The following CENPP variants were observed in gnomAD, a reference collection of about 807,000 sequenced individuals.
CENPP encodes the protein centromere protein P.
CENPP carries 24 observed loss-of-function variants against 35.6 expected under a neutral mutation model. The ratio of observed to expected loss-of-function variants is 0.67; its 90% CI spans 0.49 to 0.95. CENPP has a LOEUF of 0.95. Among genes scored for constraint, CENPP ranks in the 40% least tolerant of loss-of-function variants. The pLI is 0.00. For missense variants in CENPP, 332 were observed against 345.3 expected (o/e 0.96, Z 0.31); for synonymous variants, 120 against 125.5 (o/e 0.96, Z 0.29).
chr9:92,452,516 G>A (rs1241783666), intron 5 of CENPP, among the ~76,000 whole-genome samples: 8 of 152,274 alleles, frequency 5.3e-5, no homozygotes, highest in Admixed American at 3.3e-4. Flanking sequence ...TTTTATTGAG[G>A]ATTTTTGCAT....
chr9:92,438,454 G>A (rs1038603904), intron 5 of CENPP, among the ~76,000 whole-genome samples: 9 of 152,142 alleles, frequency 5.9e-5, no homozygotes, highest in Non-Finnish European at 1.0e-4. Flanking sequence ...CCAGTGTCAT[G>A]CCCTCCTTAT....
chr9:92,528,218 G>C (rs1461462632), intron 5 of CENPP, among the ~76,000 whole-genome samples: 1 of 152,182 alleles, frequency 6.6e-6, no homozygotes, highest in Admixed American at 6.5e-5. Flanking sequence ...ACAAAGAGCA[G>C]TCCAGGCCAG....
At chr9:92,548,198 T>C (rs1230368737) in intron 5 of CENPP, among the ~76,000 whole-genome samples, 2 of 148,584 alleles carry the variant, frequency 1.3e-5, no homozygotes, top group African/African-American at 5.2e-5. Flanking sequence ...TAATCCACCA[T>C]GCTGATGGTT....
intron 5 of CENPP, among the ~76,000 whole-genome samples, chr9:92,475,977 G>A (rs1052616910): frequency 6.6e-6 from 1 of 152,102 alleles, no homozygotes; most frequent in Non-Finnish European, 1.5e-5. Flanking sequence ...ATTATTACCT[G>A]TGAAATGTGT....
chr9:92,530,368 T>C lies in CENPP; in HGVS notation c.565-80946T>C, dbSNP rs549537544. Among the ~76,000 whole-genome samples the C allele has an allele frequency of 8.5e-5, 13 of 152,316 alleles. No individual in the cohort carries two copies. In the South Asian group the frequency reaches 2.7e-3, roughly 32 times the overall value. On this transcript the variant is annotated intron_variant, in intron 5 of 7. Coordinates refer to ENST00000375587, the MANE Select transcript of CENPP (RefSeq NM_001012267.3). ...GGGAAAAGCACATATGAGAACTCTG[T>C]ACTTTCCACTCAGTTTGCTCTGAAT...
intron 5 of CENPP, among the ~76,000 whole-genome samples, chr9:92,580,660 A>T (rs1850398440): frequency 1.3e-5 from 2 of 152,120 alleles, no homozygotes; most frequent in African/African-American, 4.8e-5. Context: ...CCCCTTTATC[A>T]TTTTTTATTG....
chr9:92,595,154 T>C lies in CENPP; in HGVS notation c.565-16160T>C, dbSNP rs1850748948. Reference sequence around the variant, plus strand: ...CTCAGGTGATCCACCCACCTTGGCCTCCCAAAGTGCTGGGATTACAGGCAT... The same window carrying C: ...CTCAGGTGATCCACCCACCTTGGCCCCCCAAAGTGCTGGGATTACAGGCAT... On this transcript the variant is annotated intron_variant, in intron 5 of 7. Coordinates refer to ENST00000375587, the MANE Select transcript of CENPP (RefSeq NM_001012267.3). 3.3e-5 allele frequency among the ~76,000 whole-genome samples: 5 copies of C among 152,214 alleles called. 1 individual carries two copies. The highest frequency in any genetic ancestry group is 3.3e-4 in the Admixed American group (5 of 15,284).
At position 92,563,967 on chromosome 9, in the gene CENPP, T is replaced by C. The variant is rs552816235; in HGVS notation, c.565-47347T>C. ...GGTCTGCATGGTGAGGGGGGAATTA[T>C]TTCTTTGTGTATTTATTTACTTAGC... is the stretch of plus-strand genomic sequence containing the variant. On this transcript the variant is annotated intron_variant, in intron 5 of 7. Transcript: ENST00000375587. 2.0e-5 allele frequency among the ~76,000 whole-genome samples: 3 copies of C among 152,280 alleles called. No individual in the cohort carries two copies. The East Asian group carries it at 5.8e-4, about 29-fold the overall frequency.
intron 5 of CENPP, among the ~76,000 whole-genome samples, chr9:92,539,554 C>T (rs1052094220): frequency 6.6e-6 from 1 of 151,968 alleles, no homozygotes; most frequent in South Asian, 2.1e-4. Context: ...GTATAGCCTA[C>T]TTACTAAGGG....
intron 1 of CENPP, among the ~76,000 whole-genome samples, chr9:92,328,659 T>G (rs565288612): frequency 1.3e-5 from 2 of 152,318 alleles, no homozygotes; most frequent in South Asian, 4.1e-4. Context: ...AAAAAATTCT[T>G]GCAAGCTCCT....
rs573848863 is a variant in CENPP at position 92,558,252 on chromosome 9, C to T, written c.565-53062C>T. ...ATTACCAGGGTTGGTTTTCTGGTTCCTTCTCATTTAGGTAGGTTCTATCAG... is the reference window on the plus strand; with the variant it reads ...ATTACCAGGGTTGGTTTTCTGGTTCTTTCTCATTTAGGTAGGTTCTATCAG... On this transcript the variant is annotated intron_variant, in intron 5 of 7. Coordinates refer to ENST00000375587, the MANE Select transcript of CENPP (RefSeq NM_001012267.3). 1.8e-3 allele frequency among the ~76,000 whole-genome samples: 276 copies of T among 152,184 alleles called. 2 individuals carry two copies. The highest frequency in any genetic ancestry group is 3.4e-3 in the Middle Eastern group (1 of 294).
At chr9:92,389,524 T>G in intron 5 of CENPP, 1 of 171,332 alleles carries the variant, frequency 5.8e-6, no homozygotes, top group Non-Finnish European at 1.2e-5. Context: ...ACAGGAAATA[T>G]CCCATTTTGA....
At chr9:92,368,679 G>C (rs117508233) in intron 4 of CENPP, among the ~76,000 whole-genome samples, 1,635 of 152,240 alleles carry the variant, frequency 0.011, 20 homozygotes, top group South Asian at 0.054. Context: ...CTACTGACGG[G>C]AATCAGCAGC....
At chr9:92,458,468 T>A (rs993670423) in intron 5 of CENPP, among the ~76,000 whole-genome samples, 1 of 152,178 alleles carries the variant, frequency 6.6e-6, no homozygotes, top group Non-Finnish European at 1.5e-5. Context: ...AAGTTTGGTG[T>A]TCAGTCCCCC....
chr9:92,519,904 CAT>C (rs1847954752), intron 5 of CENPP, among the ~76,000 whole-genome samples: 1 of 151,138 alleles, frequency 6.6e-6, no homozygotes, highest in Admixed American at 6.6e-5. Context: ...TATGTGAAAT[CAT>C]ATATCTGATA....
chr9:92,558,283 A>G (rs974908478), intron 5 of CENPP, among the ~76,000 whole-genome samples: 1 of 152,166 alleles, frequency 6.6e-6, no homozygotes, highest in Non-Finnish European at 1.5e-5. Flanking sequence ...ATCAGAGGGA[A>G]GGTCTAGGGC....
intron 5 of CENPP, among the ~76,000 whole-genome samples, chr9:92,433,525 G>A (rs77369560): frequency 6.6e-6 from 1 of 152,220 alleles, no homozygotes; most frequent in East Asian, 1.9e-4. Context: ...CGTTCTACAA[G>A]TTAATAAGGG....
chr9:92,537,977 T>A lies in CENPP; in HGVS notation c.565-73337T>A, dbSNP rs539802945. Among the ~76,000 whole-genome samples, 26 of 152,108 alleles carry A rather than the reference T, an allele frequency of 1.7e-4. 1 individual carries two copies. The highest frequency in any genetic ancestry group is 5.8e-4 in the African/African-American group (24 of 41,504). The stretch of plus-strand genomic sequence containing the variant: ...TACATTGTTTTTTGGGGGAAAAAAA[T>A]GTTGATGATATGCTGTGTTGGCCAG... On this transcript the variant is annotated intron_variant, in intron 5 of 7. Coordinates refer to ENST00000375587, the MANE Select transcript of CENPP (RefSeq NM_001012267.3).
Position 92,619,640 on chromosome 9 carries a change from A to G in CENPP, c.*6491A>G, listed in dbSNP as rs1851560741. 3 of 1,318,164 alleles carry G rather than the reference A, an allele frequency of 2.3e-6. No individual in the cohort carries two copies. Among genetic ancestry groups the G allele is most frequent in the Non-Finnish European group, 3.2e-6 (3 of 938,812 alleles). 81.7% of individuals were successfully genotyped at this position (1,318,164 alleles called of 1,614,324 possible). On this transcript the variant is annotated 3_prime_UTR_variant, in exon 8 of 8. Transcript: ENST00000375587. ...CCCCCACACAACCTTCCTTCCCAGT[A>G]GCCAAGTGTGGGAACTGCTTCCTGC...
Sources: allele counts gnomAD v4.1 joint callset (sites outside exome capture counted in the v4.1 genomes callset), GRCh38; gene constraint gnomAD v4.1.1; transcripts MANE v1.5; gene names NCBI Gene and HGNC (gene_info 2026-07-23, HGNC 2026-07-21).